The following PRKG1 variants were observed in gnomAD, a reference collection of about 807,000 sequenced individuals.
The protein encoded by PRKG1 is cGMP-dependent protein kinase 1.
PRKG1 carries 35 observed loss-of-function variants against 88.1 expected under a neutral mutation model. That is an observed-to-expected ratio of 0.40 (90% confidence interval 0.30 to 0.53). PRKG1 has a LOEUF of 0.53. Ranked by LOEUF, PRKG1 falls within the 20% of genes least tolerant of loss-of-function variation. The pLI is 0.59. For synonymous variants in PRKG1, 303 were observed against 292.5 expected, an observed-to-expected ratio of 1.04 and a Z score of -0.37; for missense variants, 540 against 839.8, an observed-to-expected ratio of 0.64 and a Z score of 4.41.
intron 2 of PRKG1, among the ~76,000 whole-genome samples, chr10:51,425,215 T>C (rs1047241532): frequency 2.0e-5 from 3 of 152,224 alleles, no homozygotes; most frequent in South Asian, 2.1e-4. Context: ...TTTTAGTCTT[T>C]ATAGTAATCT....
chr10:51,406,352 A>G (rs116517856), intron 2 of PRKG1, among the ~76,000 whole-genome samples: 1 of 152,096 alleles, frequency 6.6e-6, no homozygotes, highest in African/African-American at 2.4e-5. Flanking sequence ...TTTTTTCTTC[A>G]TGGCATACCG....
At chr10:52,283,031 A>G (rs1363142135) in intron 14 of PRKG1, among the ~76,000 whole-genome samples, 1 of 152,052 alleles carries the variant, frequency 6.6e-6, no homozygotes, top group Non-Finnish European at 1.5e-5. Flanking sequence ...GCTTAAAGAG[A>G]AAGGCAATAA....
At chr10:51,069,842 A>G (rs568911910), upstream of PRKG1, among the ~76,000 whole-genome samples, 9 of 152,250 alleles carry the variant, frequency 5.9e-5, no homozygotes, top group South Asian at 1.9e-3. Context: ...TAGAACTTTT[A>G]GTTTTAAAGA....
chr10:51,832,892 A>C (rs1342614951), intron 4 of PRKG1, among the ~76,000 whole-genome samples: 1 of 152,158 alleles, frequency 6.6e-6, no homozygotes, highest in African/African-American at 2.4e-5. Context: ...GAATAGGTGA[A>C]AAGTCTATCT....
chr10:51,228,370 C>A (rs1197266287), intron 2 of PRKG1, among the ~76,000 whole-genome samples: 1 of 152,122 alleles, frequency 6.6e-6, no homozygotes, highest in Admixed American at 6.5e-5. Context: ...TGGATTCTTC[C>A]TGAAATTTGC....
At chr10:51,231,578 A>C (rs1411428422) in intron 2 of PRKG1, among the ~76,000 whole-genome samples, 1 of 152,108 alleles carries the variant, frequency 6.6e-6, no homozygotes, top group Admixed American at 6.6e-5. Context: ...TTTCTTTGGA[A>C]TCATCCTTTT....
intron 3 of PRKG1, among the ~76,000 whole-genome samples, chr10:51,803,405 C>G (rs1839224544): frequency 6.6e-5 from 10 of 152,050 alleles, no homozygotes. Context: ...AAAATAGATA[C>G]AATTCAAAGA....
chr10:51,878,831 G>A (rs1317205205), intron 4 of PRKG1, among the ~76,000 whole-genome samples: 1 of 152,152 alleles, frequency 6.6e-6, no homozygotes, highest in Admixed American at 6.5e-5. Flanking sequence ...CTGTCAAAGA[G>A]AAATCAACAT....
chr10:51,315,031 A>G (rs905774068), intron 2 of PRKG1, among the ~76,000 whole-genome samples: 5 of 152,244 alleles, frequency 3.3e-5, no homozygotes, highest in African/African-American at 1.2e-4. Flanking sequence ...ACTACATTAC[A>G]GTAGAGAACA....
chr10:51,290,104 G>A (rs753220458), intron 2 of PRKG1, among the ~76,000 whole-genome samples: 10 of 152,168 alleles, frequency 6.6e-5, no homozygotes, highest in Non-Finnish European at 1.5e-4. Context: ...TTGAGGAAAT[G>A]TAGGCACTTG....
intron 3 of PRKG1, among the ~76,000 whole-genome samples, chr10:51,579,803 T>C (rs899358158): frequency 6.6e-6 from 1 of 152,124 alleles, no homozygotes; most frequent in South Asian, 2.1e-4. Context: ...TTACAGATTT[T>C]AGCAATCCTC....
chr10:52,245,831 G>A (rs927058946), intron 9 of PRKG1, among the ~76,000 whole-genome samples: 1 of 151,196 alleles, frequency 6.6e-6, no homozygotes, highest in African/African-American at 2.4e-5. Flanking sequence ...GTAGACTTCT[G>A]TAGCTCATTT....
intron 3 of PRKG1, among the ~76,000 whole-genome samples, chr10:51,494,343 T>C (rs1327855559): frequency 1.3e-5 from 2 of 152,172 alleles, no homozygotes; most frequent in Non-Finnish European, 2.9e-5. Context: ...TAGTTGATGA[T>C]GCAAAAGAAA....
chr10:51,648,913 C>T (rs1839975982), intron 3 of PRKG1, among the ~76,000 whole-genome samples: 1 of 152,014 alleles, frequency 6.6e-6, no homozygotes, highest in Non-Finnish European at 1.5e-5. Flanking sequence ...AGCAAGAATG[C>T]CCAAAGTAGG....
Position 51,549,908 on chromosome 10 carries a change from T to C in PRKG1, c.592+82072T>C, listed in dbSNP as rs552298176. Among the ~76,000 whole-genome samples the C allele has an allele frequency of 2.0e-5, 3 of 152,226 alleles. No individual in the cohort carries two copies. In the East Asian group the frequency reaches 5.8e-4, roughly 29 times the overall value. ...AAACTATTAGTTAGGATGGGGGAAG[T>C]GTCCTTGCAAGGGAGGTTTTGTTTT... On this transcript the variant is annotated intron_variant, in intron 3 of 17. Transcript: ENST00000373980.
At chr10:51,352,856 A>G (rs1842280682) in intron 2 of PRKG1, among the ~76,000 whole-genome samples, 2 of 152,182 alleles carry the variant, frequency 1.3e-5, no homozygotes, top group Admixed American at 1.3e-4. Flanking sequence ...CCTGACTTCA[A>G]ATTATATTAC....
chr10:51,540,320 A>G (rs1842268667), intron 3 of PRKG1, among the ~76,000 whole-genome samples: 1 of 152,222 alleles, frequency 6.6e-6, no homozygotes, highest in African/African-American at 2.4e-5. Flanking sequence ...TTATGTTATT[A>G]TAAAGCATTT....
chr10:52,287,313 T>A (rs979162559), intron 14 of PRKG1, among the ~76,000 whole-genome samples: 8 of 152,054 alleles, frequency 5.3e-5, no homozygotes, highest in Non-Finnish European at 1.0e-4. Flanking sequence ...GATTTAAAAT[T>A]GATAGGCAAT....
At chr10:51,471,239 C>A (rs1840040417) in intron 3 of PRKG1, among the ~76,000 whole-genome samples, 1 of 151,930 alleles carries the variant, frequency 6.6e-6, no homozygotes, top group Non-Finnish European at 1.5e-5. Context: ...CAAACATTCC[C>A]AATGGCATGG....
Sources: allele counts gnomAD v4.1 joint callset (sites outside exome capture counted in the v4.1 genomes callset), GRCh38; gene constraint gnomAD v4.1.1; transcripts MANE v1.5; gene names NCBI Gene and HGNC (gene_info 2026-07-23, HGNC 2026-07-21).